The following JARID2 variants were observed in gnomAD, a reference collection of about 807,000 sequenced individuals.
The protein encoded by JARID2 is protein Jumonji.
In JARID2, 21 loss-of-function variants were observed where a neutral mutation model predicts 125.6. The ratio of observed to expected loss-of-function variants is 0.17; its 90% confidence interval spans 0.12 to 0.24. The LOEUF (loss-of-function observed/expected upper bound fraction) is 0.24. Ranked by LOEUF, JARID2 falls within the 10% of genes least tolerant of loss-of-function variation. The pLI, the probability that JARID2 is intolerant of heterozygous loss-of-function variation, is 1.00. For synonymous variants in JARID2, 736 were observed against 661.6 expected, an observed-to-expected ratio of 1.11 and a Z score of -1.73; for missense variants, 1,303 against 1,639.6, an observed-to-expected ratio of 0.79 and a Z score of 3.55.
At chr6:15,457,270 T>A (rs926934876) in intron 4 of JARID2, among the ~76,000 whole-genome samples, 1 of 152,230 alleles carries the variant, frequency 6.6e-6, no homozygotes, top group Non-Finnish European at 1.5e-5. Flanking sequence ...ATGACGCATA[T>A]CCTTAGTTAA....
At chr6:15,494,328 A>G (rs2237119) in intron 6 of JARID2, among the ~76,000 whole-genome samples, 79,976 of 150,652 alleles carry the variant, frequency 0.53, 21,132 homozygotes, top group Admixed American at 0.57. Flanking sequence ...TGACTTGGAC[A>G]CTCTGCCGGT....
intron 1 of JARID2, among the ~76,000 whole-genome samples, chr6:15,263,028 G>GCCCT (rs1311539071): frequency 6.6e-6 from 1 of 151,990 alleles, no homozygotes; most frequent in African/African-American, 2.4e-5. Flanking sequence ...CCTATGCTGT[G>GCCCT]CCCTCCCCTT....
At chr6:15,491,936 T>G (rs1770168312) in intron 6 of JARID2, among the ~76,000 whole-genome samples, 1 of 152,262 alleles carries the variant, frequency 6.6e-6, no homozygotes, top group African/African-American at 2.4e-5. Flanking sequence ...ATCTCTCACC[T>G]TATATCCCTT....
intron 1 of JARID2, chr6:15,248,869 G>A (rs966982254): frequency 1.0e-5 from 10 of 976,090 alleles, no homozygotes; most frequent in African/African-American, 5.3e-5. Flanking sequence ...GGGGGCGGGG[G>A]CTGCCGCAGA....
chr6:15,289,465 T>C (rs1211540629), intron 1 of JARID2, among the ~76,000 whole-genome samples: 1 of 152,088 alleles, frequency 6.6e-6, no homozygotes, highest in Non-Finnish European at 1.5e-5. Context: ...ACTCCTGGGC[T>C]CAAGCAATCC....
At chr6:15,508,276 A>G (rs1348239287) in intron 11 of JARID2, 64 bp from the exon 12 acceptor site, 1 of 814,908 alleles carries the variant, frequency 1.2e-6, no homozygotes, top group African/African-American at 1.7e-5. Flanking sequence ...ATTTTTACTT[A>G]CTGTTCCTTT....
Position 15,328,918 on chromosome 6 carries a change from C to T in JARID2, c.46-45199C>T, listed in dbSNP as rs1762617895. On this transcript the variant is annotated intron_variant, in intron 1 of 17. Transcript: ENST00000341776. ...ACCTGTGTGGGGATGGGCATGGAGG[C>T]ACCTGCCTTGTTCAAGAAGCCTGTG... is the stretch of plus-strand genomic sequence containing the variant. Among the ~76,000 whole-genome samples the T allele has an allele frequency of 2.0e-5, 3 of 152,328 alleles. No homozygotes were observed. The South Asian group carries it at 6.2e-4, about 32-fold the overall frequency.
intron 1 of JARID2, among the ~76,000 whole-genome samples, chr6:15,284,403 A>G (rs1054842541): frequency 2.0e-5 from 3 of 152,218 alleles, no homozygotes; most frequent in Admixed American, 6.5e-5. Context: ...ATGTTTTCAT[A>G]CATCCCATGG....
chr6:15,367,202 T>C (rs1764011914), intron 1 of JARID2, among the ~76,000 whole-genome samples: 1 of 152,242 alleles, frequency 6.6e-6, no homozygotes, highest in East Asian at 1.9e-4. Context: ...CTGTCTTCCA[T>C]TTTTAAATAG....
At chr6:15,275,544 C>CCT (rs1554118142) in intron 1 of JARID2, among the ~76,000 whole-genome samples, 1 of 94,606 alleles carries the variant, frequency 1.1e-5, no homozygotes, top group Non-Finnish European at 2.3e-5. Flanking sequence ...CCCCCCCCCC[C>CCT]GTCTTTTGCC....
intron 4 of JARID2, among the ~76,000 whole-genome samples, chr6:15,466,068 T>C (rs1768717469): frequency 1.3e-5 from 2 of 152,224 alleles, no homozygotes; most frequent in African/African-American, 2.4e-5. Context: ...CTTCCCAAAG[T>C]GCTGGGATTA....
chr6:15,320,864 G>A (rs923364039), intron 1 of JARID2, among the ~76,000 whole-genome samples: 2 of 151,568 alleles, frequency 1.3e-5, no homozygotes, highest in Non-Finnish European at 2.9e-5. Flanking sequence ...GTGTGTGTGT[G>A]TGTGTGTGTG....
chr6:15,499,488 C>T (rs912337541), intron 7 of JARID2, among the ~76,000 whole-genome samples: 2 of 152,188 alleles, frequency 1.3e-5, no homozygotes, highest in Non-Finnish European at 2.9e-5. Flanking sequence ...GTGTGGATTT[C>T]CTCCCTTCTG....
rs150849177 is a variant in JARID2 at position 15,338,376 on chromosome 6, T to C, written c.46-35741T>C. On this transcript the variant is annotated intron_variant, in intron 1 of 17. Transcript: ENST00000341776. Reference sequence around the variant, plus strand: ...TCTCAGAATCTGGAGGAAAAATGCGTCGTAGCCCTCTGCACAAAGGTTTAG... The same window carrying C: ...TCTCAGAATCTGGAGGAAAAATGCGCCGTAGCCCTCTGCACAAAGGTTTAG... Among the ~76,000 whole-genome samples, 475 of 152,334 alleles carry C rather than the reference T, an allele frequency of 3.1e-3. 4 individuals are homozygous for C. The highest frequency in any genetic ancestry group is 0.011 in the African/African-American group (461 of 41,564).
chr6:15,299,632 A>G (rs1319298095), intron 1 of JARID2, among the ~76,000 whole-genome samples: 1 of 152,100 alleles, frequency 6.6e-6, no homozygotes, highest in African/African-American at 2.4e-5. Context: ...AGACTGCCAA[A>G]ACCTGTGGCT....
intron 1 of JARID2, among the ~76,000 whole-genome samples, chr6:15,313,894 T>C (rs1762096846): frequency 6.6e-6 from 1 of 152,176 alleles, no homozygotes. Flanking sequence ...CATTGGTAAT[T>C]ACCTTTGGCC....
chr6:15,264,805 C>T (rs960090293), intron 1 of JARID2, among the ~76,000 whole-genome samples: 1 of 152,196 alleles, frequency 6.6e-6, no homozygotes, highest in African/African-American at 2.4e-5. Context: ...CGCCACATCC[C>T]TCCTACTAAA....
rs115971898 is a variant in JARID2 at position 15,437,038 on chromosome 6, G to A, written c.324-14968G>A. ...CTGCAGGCCACCCTGTCCTTCAGCC[G>A]TGTGATTTTACGGTTTTACTGTTCA... is the stretch of plus-strand genomic sequence containing the variant. On this transcript the variant is annotated intron_variant, in intron 3 of 17. Coordinates refer to ENST00000341776, the MANE Select transcript of JARID2 (RefSeq NM_004973.4). 5.6e-3 allele frequency among the ~76,000 whole-genome samples: 856 copies of A among 152,108 alleles called. 10 individuals are homozygous for A. Among genetic ancestry groups the A allele is most frequent in the African/African-American group, 0.02 (811 of 41,498 alleles).
chr6:15,373,677 G>T (rs1348242685), intron 1 of JARID2, among the ~76,000 whole-genome samples: 1 of 152,186 alleles, frequency 6.6e-6, no homozygotes, highest in Non-Finnish European at 1.5e-5. Context: ...GAGCTCCCAA[G>T]GGAGGCAGCA....
Sources: gnomAD v4.1 joint callset for allele counts (sites outside exome capture counted in the v4.1 genomes callset) on GRCh38, gnomAD v4.1.1 for gene constraint, MANE v1.5 for transcripts, NCBI Gene and HGNC (gene_info 2026-07-23, HGNC 2026-07-21) for gene names.